ELF1: variants seen among roughly 807,000 people sequenced by gnomAD.
ELF1 encodes E74 like ETS transcription factor 1, also known as ETS-related transcription factor Elf-1.
ELF1 carries 24 observed loss-of-function variants against 59.9 expected under a neutral mutation model. The ratio of observed to expected loss-of-function variants is 0.40; its 90% confidence interval spans 0.29 to 0.56. The LOEUF is 0.56. Ranked by LOEUF, ELF1 falls within the 20% of genes least tolerant of loss-of-function variation. The pLI is 0.44. For missense variants in ELF1, 627 were observed against 742.2 expected, an observed-to-expected ratio of 0.84 and a Z score of 1.80; for synonymous variants, 248 against 266.2, an observed-to-expected ratio of 0.93 and a Z score of 0.67.
chr13:40,975,831 G>C (rs528812334), intron 2 of ELF1, among the ~76,000 whole-genome samples: 1 of 151,994 alleles, frequency 6.6e-6, no homozygotes, highest in African/African-American at 2.4e-5. Context: ...TTATAGAAGA[G>C]ATCACTTATT....
chr13:41,019,701 T>TGG (rs1303326161), upstream of ELF1, among the ~76,000 whole-genome samples: 4 of 152,186 alleles, frequency 2.6e-5, no homozygotes, highest in Non-Finnish European at 5.9e-5. Flanking sequence ...GCAAACTCTG[T>TGG]GGCTCTTAAT....
At chr13:40,992,851 C>A (rs932735161) in intron 1 of ELF1, 25 of 559,050 alleles carry the variant, frequency 4.5e-5, no homozygotes, top group Admixed American at 3.1e-5. Flanking sequence ...CTCTCTAACT[C>A]AAGAATTCTC....
intron 1 of ELF1, among the ~76,000 whole-genome samples, chr13:41,060,377 G>A (rs926580903): frequency 5.3e-5 from 8 of 152,348 alleles, no homozygotes; most frequent in African/African-American, 1.9e-4. Flanking sequence ...CCGGACGGGG[G>A]CGCTGGGAGG....
At chr13:41,016,003 T>C (rs1166256957) in intron 1 of ELF1, among the ~76,000 whole-genome samples, 2 of 152,194 alleles carry the variant, frequency 1.3e-5, no homozygotes, top group Non-Finnish European at 2.9e-5. Flanking sequence ...TTAACATAGG[T>C]AAATGCTATT....
At chr13:41,019,511 C>T (rs1253137726), upstream of ELF1, 1 of 471,256 alleles carries the variant, frequency 2.1e-6, no homozygotes, top group Non-Finnish European at 2.8e-6. Context: ...CATTACTAAG[C>T]TCATATTAAT....
rs768366473 is a variant in ELF1 at position 40,943,159 on chromosome 13, ATTTC to A, written c.614-19_614-16del. 6 of 1,498,014 alleles carry A rather than the reference ATTTC, an allele frequency of 4.0e-6. No individual in the cohort carries two copies. The South Asian group carries it at 4.2e-5, about 10-fold the overall frequency. 92.8% of individuals were successfully genotyped at this position (1,498,014 alleles called of 1,614,324 possible). A position where few individuals can be genotyped will look rare whatever the true frequency, so the allele number is the denominator to read the frequency against. On this transcript the variant is annotated splice_polypyrimidine_tract_variant and intron_variant, in intron 6 of 8. Coordinates refer to ENST00000239882, the MANE Select transcript of ELF1 (RefSeq NM_172373.4). ...AATTGTGTTTCCTGAAACAAAAACA[ATTTC>A]TTTCTAAATGACCAAAATTTCATTT... is the stretch of plus-strand genomic sequence containing the variant.
At chr13:41,012,107 G>C (rs1875098709) in intron 1 of ELF1, among the ~76,000 whole-genome samples, 1 of 151,982 alleles carries the variant, frequency 6.6e-6, no homozygotes, top group Non-Finnish European at 1.5e-5. Context: ...AGGAATTCAA[G>C]ACCAGCCTGG....
intron 2 of ELF1, among the ~76,000 whole-genome samples, chr13:40,960,951 A>G (rs2064493531): frequency 6.6e-6 from 1 of 152,148 alleles, no homozygotes; most frequent in South Asian, 2.1e-4. Flanking sequence ...ACTCACTGCA[A>G]CCTCCGCCTC....
intron 2 of ELF1, among the ~76,000 whole-genome samples, chr13:40,961,810 A>G (rs1303335874): frequency 6.6e-6 from 1 of 152,096 alleles, no homozygotes. Flanking sequence ...TGCTGCAAAA[A>G]CCCATGTACA....
chr13:40,935,311 T>C (rs1869692735), intron 8 of ELF1, among the ~76,000 whole-genome samples: 1 of 152,246 alleles, frequency 6.6e-6, no homozygotes, highest in South Asian at 2.1e-4. Context: ...AGATACTTGC[T>C]ATTTCAAACA....
intron 1 of ELF1, among the ~76,000 whole-genome samples, chr13:41,004,055 TCCC>T (rs1199162538): frequency 6.6e-6 from 1 of 151,970 alleles, no homozygotes; most frequent in Admixed American, 6.6e-5. Context: ...ATGTATTTAT[TCCC>T]CCAACAAGTA....
At chr13:40,958,229 G>A (rs1360905417) in intron 3 of ELF1, among the ~76,000 whole-genome samples, 2 of 152,146 alleles carry the variant, frequency 1.3e-5, no homozygotes, top group Non-Finnish European at 2.9e-5. Context: ...TATCTTACTA[G>A]TTCTGACTGA....
chr13:40,996,937 A>G (rs1874156985), intron 1 of ELF1, among the ~76,000 whole-genome samples: 2 of 152,096 alleles, frequency 1.3e-5, no homozygotes, highest in Non-Finnish European at 2.9e-5. Flanking sequence ...CTCACCAAGA[A>G]CCCAATATAT....
At chr13:40,964,773 G>A (rs748227225) in intron 2 of ELF1, among the ~76,000 whole-genome samples, 6 of 152,206 alleles carry the variant, frequency 3.9e-5, no homozygotes, top group Admixed American at 3.3e-4. Flanking sequence ...GAGCTCAAGC[G>A]ATCCACCCAA....
At chr13:40,942,646 G>A (rs750935573) in intron 7 of ELF1, among the ~76,000 whole-genome samples, 1 of 151,890 alleles carries the variant, frequency 6.6e-6, no homozygotes, top group Non-Finnish European at 1.5e-5. Flanking sequence ...TCAGCCTGCC[G>A]AGTAGCTGGG....
At chr13:41,008,542 C>T (rs1018512155) in intron 1 of ELF1, among the ~76,000 whole-genome samples, 1 of 151,522 alleles carries the variant, frequency 6.6e-6, no homozygotes, top group African/African-American at 2.4e-5. Context: ...AAATGACTCA[C>T]GCATGATGTT....
At chr13:40,956,232 A>G (rs1456845655) in intron 3 of ELF1, among the ~76,000 whole-genome samples, 1 of 151,824 alleles carries the variant, frequency 6.6e-6, no homozygotes, top group Non-Finnish European at 1.5e-5. Flanking sequence ...GTACTAAGAA[A>G]AATTCTTCTG....
intron 2 of ELF1, among the ~76,000 whole-genome samples, chr13:40,963,575 T>C (rs1018787951): frequency 1.3e-5 from 2 of 152,210 alleles, no homozygotes; most frequent in African/African-American, 4.8e-5. Flanking sequence ...TATTAATCCA[T>C]ATATAAGAAA....
At chr13:40,985,485 C>T (rs1160483792) in intron 1 of ELF1, among the ~76,000 whole-genome samples, 4 of 152,174 alleles carry the variant, frequency 2.6e-5, no homozygotes, top group Non-Finnish European at 5.9e-5. Context: ...CTGTAATATA[C>T]AGCTGGGCCT....
Sources: gnomAD v4.1 joint callset for allele counts (sites outside exome capture counted in the v4.1 genomes callset) on GRCh38, gnomAD v4.1.1 for gene constraint, MANE v1.5 for transcripts, NCBI Gene and HGNC (gene_info 2026-07-23, HGNC 2026-07-21) for gene names.